FAM171A1: variants seen among roughly 807,000 people sequenced by gnomAD.
The protein encoded by FAM171A1 is protein FAM171A1.
FAM171A1 carries 23 observed loss-of-function variants against 74.9 expected under a neutral mutation model. The observed-to-expected ratio is 0.31, with a 90% CI of 0.22 to 0.44. The LOEUF is 0.44. Ranked by LOEUF, FAM171A1 falls within the 20% of genes least tolerant of loss-of-function variation. The probability of loss-of-function intolerance (pLI) is 1.00; values close to 1 mark genes in which losing one functional copy is unlikely to be tolerated. For synonymous variants in FAM171A1, 527 were observed against 505.7 expected (o/e 1.04, Z -0.57); for missense variants, 1,162 against 1,159.2 (o/e 1.00, Z -0.03).
Position 15,214,028 on chromosome 10 carries a change from G to A in FAM171A1, c.1560C>T (p.Tyr520=), listed in dbSNP as rs1833932154. 3 of 1,614,100 alleles carry A rather than the reference G, an allele frequency of 1.9e-6. No individual in the cohort carries two copies. Among genetic ancestry groups the A allele is most frequent in the Admixed American group, 1.7e-5 (1 of 60,004 alleles). ...CTTTCTCAGGTGATGAAGGCGCGGG[G>A]TACAGATGTTCCTGAATGGTGAGTT... ...GSKLTIQEHL[Y]PAPSSPEKEQ... is the part of the protein sequence containing the mutation. Residue 520 remains tyrosine (Y), a synonymous_variant, in exon 8 of 8, where the codon TAC becomes TAT. Transcript: ENST00000378116.
chr10:15,342,516 C>G (rs980173726), intron 1 of FAM171A1, among the ~76,000 whole-genome samples: 1 of 152,132 alleles, frequency 6.6e-6, no homozygotes, highest in African/African-American at 2.4e-5. Context: ...TGAAATGAGC[C>G]AAGATTGCAC....
chr10:15,256,883 C>T (rs1834587299), intron 3 of FAM171A1, among the ~76,000 whole-genome samples: 1 of 152,202 alleles, frequency 6.6e-6, no homozygotes, highest in East Asian at 1.9e-4. Flanking sequence ...CCACGCTGCC[C>T]TCCAGGATGG....
chr10:15,263,737 GTCTGTCTATCTA>G (rs1307359263), intron 3 of FAM171A1, among the ~76,000 whole-genome samples: 16 of 106,010 alleles, frequency 1.5e-4, no homozygotes, highest in African/African-American at 4.3e-4. Flanking sequence ...CTATCTATCT[GTCTGTCTATCTA>G]TCTATCTATC....
intron 1 of FAM171A1, among the ~76,000 whole-genome samples, chr10:15,303,124 G>C (rs1277486532): frequency 6.6e-6 from 1 of 152,122 alleles, no homozygotes; most frequent in Non-Finnish European, 1.5e-5. Flanking sequence ...AGGAGGCGGA[G>C]GTTGCAGTGA....
At chr10:15,263,871 CTATCT>C (rs2131780730) in intron 3 of FAM171A1, among the ~76,000 whole-genome samples, 1 of 147,600 alleles carries the variant, frequency 6.8e-6, no homozygotes, top group South Asian at 2.1e-4. Context: ...ATCTATCTAT[CTATCT>C]ATCTATCTAT....
At chr10:15,333,408 G>A (rs150022176) in intron 1 of FAM171A1, among the ~76,000 whole-genome samples, 20 of 152,356 alleles carry the variant, frequency 1.3e-4, no homozygotes, top group African/African-American at 4.8e-4. Flanking sequence ...GCTAGGACAG[G>A]AGAATTGCCT....
At chr10:15,300,351 G>A (rs944413296) in intron 1 of FAM171A1, among the ~76,000 whole-genome samples, 13 of 152,280 alleles carry the variant, frequency 8.5e-5, no homozygotes, top group Non-Finnish European at 1.9e-4. Context: ...AACCAGTCAC[G>A]TGGTCTTGGC....
chr10:15,229,797 ATC>A (rs1372526469), intron 5 of FAM171A1, among the ~76,000 whole-genome samples: 433 of 27,090 alleles, frequency 0.016, 12 homozygotes, highest in Middle Eastern at 0.034. Context: ...CACCATCACC[ATC>A]ATCACCATCA....
Position 15,254,817 on chromosome 10 carries a change from T to G in FAM171A1, c.481A>C (p.Ser161Arg). The G allele has an allele frequency of 6.2e-7, 1 of 1,614,192 alleles. No individual in the cohort carries two copies. The highest frequency in any genetic ancestry group is 8.5e-7 in the Non-Finnish European group (1 of 1,180,012). ...AGAAACGCGGTCAGGTCACTGTAGC[T>G]GGTGTTCTCAGGCAACCTCAGAGCC... ...RRALRLPENT[S>R]YSDLTAFLTA... Residue 161 changes from serine to arginine, a missense_variant, in exon 4 of 8, where the codon AGC (serine) becomes CGC (arginine). Coordinates refer to ENST00000378116, the MANE Select transcript of FAM171A1 (RefSeq NM_001010924.2).
intron 3 of FAM171A1, among the ~76,000 whole-genome samples, chr10:15,264,116 C>T (rs1834706329): frequency 6.6e-6 from 1 of 151,906 alleles, no homozygotes; most frequent in Admixed American, 6.6e-5. Context: ...GTAGCTGGGA[C>T]TGTAGGCACA....
chr10:15,240,773 A>C, intron 5 of FAM171A1: 1 of 983,234 alleles, frequency 1.0e-6, no homozygotes, highest in Non-Finnish European at 1.2e-6. Flanking sequence ...GTGGTGGCTC[A>C]CAGTCGTTGT....
chr10:15,243,948 C>T (rs1025354373), intron 5 of FAM171A1, among the ~76,000 whole-genome samples: 17 of 152,294 alleles, frequency 1.1e-4, no homozygotes, highest in Non-Finnish European at 2.2e-4. Context: ...GACGAGGTTT[C>T]ACCGTGTTAG....
At chr10:15,262,871 G>A (rs1378748041) in intron 3 of FAM171A1, among the ~76,000 whole-genome samples, 2 of 152,238 alleles carry the variant, frequency 1.3e-5, no homozygotes, top group East Asian at 1.9e-4. Flanking sequence ...GGAGGACACT[G>A]CCATGTCCTC....
At chr10:15,261,357 A>G (rs188040126) in intron 3 of FAM171A1, among the ~76,000 whole-genome samples, 2 of 152,326 alleles carry the variant, frequency 1.3e-5, no homozygotes, top group African/African-American at 4.8e-5. Flanking sequence ...TCTTGGGGAT[A>G]ATGGTACTTT....
At chr10:15,336,593 G>A (rs576093179) in intron 1 of FAM171A1, among the ~76,000 whole-genome samples, 5 of 152,132 alleles carry the variant, frequency 3.3e-5, no homozygotes, top group Middle Eastern at 3.4e-3. Flanking sequence ...TAATCCACAC[G>A]GACTTATGAT....
intron 5 of FAM171A1, among the ~76,000 whole-genome samples, chr10:15,231,163 T>G (rs998399649): frequency 6.6e-5 from 10 of 152,330 alleles, no homozygotes; most frequent in African/African-American, 2.4e-4. Flanking sequence ...AAGTGCAGGT[T>G]CTGATCCAGA....
chr10:15,299,797 T>G (rs527700379), intron 1 of FAM171A1, among the ~76,000 whole-genome samples: 1 of 152,142 alleles, frequency 6.6e-6, no homozygotes, highest in African/African-American at 2.4e-5. Flanking sequence ...GCTAACACGA[T>G]GAAACCCTGT....
chr10:15,236,897 C>T (rs999431964), intron 5 of FAM171A1, among the ~76,000 whole-genome samples: 4 of 152,056 alleles, frequency 2.6e-5, no homozygotes, highest in South Asian at 2.1e-4. Context: ...TTTGAGACCA[C>T]GCTGGCCAAC....
chr10:15,295,468 A>G (rs551744581), intron 1 of FAM171A1, among the ~76,000 whole-genome samples: 7 of 151,776 alleles, frequency 4.6e-5, no homozygotes, highest in African/African-American at 1.7e-4. Context: ...ATTCTAACAA[A>G]CTCTGGCCCT....
Sources: allele counts gnomAD v4.1 joint callset (sites outside exome capture counted in the v4.1 genomes callset), GRCh38; gene constraint gnomAD v4.1.1; transcripts MANE v1.5; gene names NCBI Gene and HGNC (gene_info 2026-07-23, HGNC 2026-07-21).